Variants in PALM observed in about 807,000 individuals in gnomAD.
PALM encodes paralemmin-1.
A neutral mutation model predicts 30.7 loss-of-function variants in PALM; 18 were observed. The ratio of observed to expected loss-of-function variants is 0.59; its 90% confidence interval spans 0.41 to 0.87. The LOEUF (loss-of-function observed/expected upper bound fraction) is 0.87. PALM is among the 40% of genes least tolerant of loss of function. The pLI is 0.00. For missense variants in PALM, 529 were observed against 555.4 expected, an observed-to-expected ratio of 0.95 and a Z score of 0.48; for synonymous variants, 286 against 242.8, an observed-to-expected ratio of 1.18 and a Z score of -1.66.
intron 1 of PALM, among the ~76,000 whole-genome samples, chr19:710,357 C>T (rs563430768): frequency 2.0e-5 from 3 of 152,308 alleles, no homozygotes; most frequent in East Asian, 1.9e-4. Context: ...CACCCCGCCC[C>T]GGGAGCTCAG....
rs1330348170 is a variant in PALM, at chr19:746,440, G to T, written c.790G>T (p.Ala264Ser). The T allele has an allele frequency of 1.9e-6, 3 of 1,609,592 alleles. No individual in the cohort carries two copies. The highest frequency in any genetic ancestry group is 2.2e-5 in the East Asian group (1 of 44,794). The change falls in exon 9 of 9, where the codon GCC becomes TCC. Residue 264 changes from alanine (A) to serine (S), a missense_variant. Ala to Ser is a moderately conservative substitution (Grantham distance 99). Coordinates refer to ENST00000338448, the MANE Select transcript of PALM (RefSeq NM_002579.3). This position sits in a 1 kb window ranked among gnomAD's most constrained non-coding sequence, Gnocchi z 7.1. ...GACCCGGGGGGCTGTGGAGGGGGCA[G>T]CCCGGACCACGCCCTCCCGGCGGGA... is the stretch of plus-strand genomic sequence containing the variant. ...AETRGAVEGA[A>S]RTTPSRREIT...
At chr19:734,062 G>A (rs1358912064) in intron 5 of PALM, 111 bp from the exon 6 acceptor site, 20 of 884,208 alleles carry the variant, frequency 2.3e-5, no homozygotes, top group Non-Finnish European at 3.6e-5. Flanking sequence ...AAGCGGGTGC[G>A]TATGACGTCA....
Position 727,674 on chromosome 19 carries a change from G to A in PALM, c.249G>A (p.Leu83=), listed in dbSNP as rs1212717348. 5.1e-6 allele frequency: 8 copies of A among 1,564,390 alleles called. No individual in the cohort carries two copies. Among genetic ancestry groups the A allele is most frequent in the Non-Finnish European group, 6.1e-6 (7 of 1,154,154 alleles). Residue 83 remains leucine (L), a synonymous_variant, in exon 4 of 9, where the codon CTG becomes CTA. Transcript: ENST00000338448. ...QMQDDEQKTR[L]LEDSVSRLEK... ...AGGACGACGAGCAGAAGACACGGCT[G>A]CTGGAGGACTCGGTGTCCAGGTGGG...
chr19:709,302 C>T lies in PALM; in HGVS notation c.5+151C>T. 1 of 255,714 alleles carries T rather than the reference C, an allele frequency of 3.9e-6. No homozygotes were observed. 15.8% of individuals were successfully genotyped at this position (255,714 alleles called of 1,614,324 possible). ...CGGGGCTGCTGGGGCCGCAGCGCAGCCGGGAAGAGACTCGGGCTGGGCCGC... is the reference window on the plus strand; with the variant it reads ...CGGGGCTGCTGGGGCCGCAGCGCAGTCGGGAAGAGACTCGGGCTGGGCCGC... On this transcript the variant is annotated intron_variant, in intron 1 of 8. Transcript: ENST00000338448. This position sits in a 1 kb window ranked among gnomAD's most constrained non-coding sequence, Gnocchi z 4.3.
chr19:719,913 G>A (rs962725787), intron 1 of PALM, among the ~76,000 whole-genome samples: 1 of 152,184 alleles, frequency 6.6e-6, no homozygotes, highest in Non-Finnish European at 1.5e-5. Context: ...TGATCCGTGC[G>A]TCGTGGTCAT....
chr19:728,877 A>G lies in PALM; in HGVS notation c.269+1183A>G, dbSNP rs190026678. ...AAATTAGCCAGGCGTGGTGGCGGGCACCTGTAGTCCCAGCTACTCATGAGA... is the reference window on the plus strand; with the variant it reads ...AAATTAGCCAGGCGTGGTGGCGGGCGCCTGTAGTCCCAGCTACTCATGAGA... On this transcript the variant is annotated intron_variant, in intron 4 of 8. Coordinates refer to ENST00000338448, the MANE Select transcript of PALM (RefSeq NM_002579.3). Among the ~76,000 whole-genome samples, 148 of 152,096 alleles carry G rather than the reference A, an allele frequency of 9.7e-4. 2 individuals carry two copies. Among genetic ancestry groups the G allele is most frequent in the African/African-American group, 3.5e-3 (145 of 41,494 alleles).
intron 1 of PALM, among the ~76,000 whole-genome samples, chr19:725,027 C>A (rs148622793): frequency 6.6e-6 from 1 of 152,146 alleles, no homozygotes; most frequent in Non-Finnish European, 1.5e-5. Flanking sequence ...TCAAGTGATT[C>A]TCCCACCTCA....
In PALM at chr19:740,389, G is replaced by C; in HGVS notation, c.540G>C (p.Lys180Asn). The stretch of plus-strand genomic sequence containing the variant: ...TTGAGATCACTGTGGAGAAGGACAA[G>C]GTGACAGGGGAGACCAGGGTGCTGT... ...YSVEITVEKD[K>N]VTGETRVLSS... Residue 180 changes from lysine to asparagine, a missense_variant, in exon 8 of 9, where the codon AAG (lysine) becomes AAC (asparagine). By Grantham distance (94) the Lys-to-Asn change is moderately conservative (BLOSUM62 0). Coordinates refer to ENST00000338448, the MANE Select transcript of PALM (RefSeq NM_002579.3). The C allele has an allele frequency of 6.4e-7, 1 of 1,561,732 alleles. No homozygotes were observed. Among genetic ancestry groups the C allele is most frequent in the South Asian group, 1.2e-5 (1 of 84,720 alleles).
Position 731,217 on chromosome 19 carries a change from A to G in PALM, c.392A>G (p.Lys131Arg). The part of the protein sequence containing the change: ...PAPSPAKEER[K>R]TEVVMNSQQT... Reference sequence around the variant, plus strand: ...CCGAGTCCAGCCAAGGAGGAGCGCAAGACAGAGGTGGTGATGAATTCACAG... The same window carrying G: ...CCGAGTCCAGCCAAGGAGGAGCGCAGGACAGAGGTGGTGATGAATTCACAG... The change falls in exon 5 of 9, where the codon AAG becomes AGG. Residue 131 changes from lysine (K) to arginine (R), a missense_variant. Transcript: ENST00000338448. The G allele has an allele frequency of 6.2e-7, 1 of 1,611,336 alleles. No homozygotes were observed. The highest frequency in any genetic ancestry group is 2.2e-5 in the East Asian group (1 of 44,802).
At position 730,999 on chromosome 19, in the gene PALM, C is replaced by T. The variant is rs2032853054; in HGVS notation, c.270-96C>T. The T allele has an allele frequency of 3.8e-6, 3 of 786,964 alleles. No individual in the cohort carries two copies. In the Admixed American group the frequency reaches 9.5e-5, roughly 25 times the overall value. The allele number at this position is 786,964 out of a possible 1,614,324, so 48.7% of individuals were successfully genotyped here. A position where few individuals can be genotyped will look rare whatever the true frequency, so the allele number is the denominator to read the frequency against. On this transcript the variant is annotated intron_variant, in intron 4 of 8. Transcript: ENST00000338448. ...CTGGGCAACAAGAGCGAGAATCTGT[C>T]TCAAAAAAAAGACACTGGGGAGCTG...
intron 1 of PALM, among the ~76,000 whole-genome samples, chr19:716,448 A>G (rs2032262445): frequency 6.7e-6 from 1 of 149,842 alleles, no homozygotes; most frequent in African/African-American, 2.4e-5. Context: ...TTAGGACCAG[A>G]GTGAGGCCAG....
At chr19:728,268 G>C (rs1242069371) in intron 4 of PALM, among the ~76,000 whole-genome samples, 2 of 152,152 alleles carry the variant, frequency 1.3e-5, no homozygotes, top group Admixed American at 1.3e-4. Context: ...GGAGGCCCAG[G>C]CTGTGCTCGG....
chr19:721,110 G>C (rs1177658416), intron 1 of PALM, among the ~76,000 whole-genome samples: 1 of 152,188 alleles, frequency 6.6e-6, no homozygotes, highest in East Asian at 1.9e-4. Flanking sequence ...GTGTGTGAGA[G>C]GCCCTGGGGT....
intron 1 of PALM, among the ~76,000 whole-genome samples, chr19:714,408 G>A (rs1341003842): frequency 7.1e-6 from 1 of 140,440 alleles, no homozygotes; most frequent in African/African-American, 2.7e-5. Context: ...GCCCAGGCTG[G>A]AGTGCAGTGG....
chr19:729,301 G>C (rs2032791316), intron 4 of PALM, among the ~76,000 whole-genome samples: 3 of 151,614 alleles, frequency 2.0e-5, no homozygotes, highest in Admixed American at 6.6e-5. Context: ...ACTCCAGCCT[G>C]GGGGACAGAG....
intron 7 of PALM, among the ~76,000 whole-genome samples, chr19:736,856 C>G (rs1282721136): frequency 1.3e-5 from 2 of 152,160 alleles, no homozygotes; most frequent in Non-Finnish European, 2.9e-5. Flanking sequence ...GAGTTCGAAA[C>G]CAGCCTGGCC....
intron 7 of PALM, among the ~76,000 whole-genome samples, chr19:738,799 G>T (rs1462179797): frequency 6.6e-6 from 1 of 152,152 alleles, no homozygotes; most frequent in East Asian, 1.9e-4. Flanking sequence ...AAACGAGGTG[G>T]CTATGGGGGC....
intron 6 of PALM, chr19:735,009 G>A (rs937704861): frequency 1.1e-6 from 1 of 949,442 alleles, no homozygotes; most frequent in African/African-American, 1.8e-5. Flanking sequence ...AAAAAATCCA[G>A]ACAGGCCTCT....
chr19:714,054 GC>G (rs2032173999), intron 1 of PALM, among the ~76,000 whole-genome samples: 1 of 151,622 alleles, frequency 6.6e-6, no homozygotes, highest in African/African-American at 2.4e-5. Context: ...ACAGGTACCC[GC>G]CACCACACCC....
Sources: allele counts gnomAD v4.1 joint callset (sites outside exome capture counted in the v4.1 genomes callset), GRCh38; gene constraint gnomAD v4.1.1; non-coding constraint Gnocchi (gnomAD v3.1); transcripts MANE v1.5; gene names NCBI Gene and HGNC (gene_info 2026-07-23, HGNC 2026-07-21).